Variants in CROCC observed in about 807,000 individuals in gnomAD.
CROCC encodes the protein rootletin.
In CROCC, 180 loss-of-function variants were observed where a neutral mutation model predicts 245.2. The ratio of observed to expected loss-of-function variants is 0.73; its 90% CI spans 0.65 to 0.83. CROCC has a LOEUF of 0.83. Among genes scored for constraint, CROCC ranks in the 40% least tolerant of loss-of-function variants. The pLI is 0.00. For synonymous variants in CROCC, 1,205 were observed against 1,241.6 expected (o/e 0.97, Z 0.62); for missense variants, 2,688 against 2,779.4 (o/e 0.97, Z 0.74).
At chr1:16,970,033 T>G (rs2076488867) in intron 33 of CROCC, 99 bp downstream of exon 33, 1 of 1,424,758 alleles carries the variant, frequency 7.0e-7, no homozygotes, top group South Asian at 1.4e-5. Context: ...CAAACCCTGG[T>G]GCAGCCTCCA....
chr1:16,924,572 T>G, intron 3 of CROCC, 93 bp downstream of exon 3: 1 of 1,505,202 alleles, frequency 6.6e-7, no homozygotes, highest in Non-Finnish European at 9.0e-7. Context: ...GGGCAAAAGA[T>G]GGGCCCTGGA....
At chr1:16,932,779 G>A (rs1440968455) in intron 8 of CROCC, among the ~76,000 whole-genome samples, 1 of 152,282 alleles carries the variant, frequency 6.6e-6, no homozygotes, top group African/African-American at 2.4e-5. Flanking sequence ...CAGCTCAACA[G>A]TAGTGTCAGG....
chr1:16,938,950 C>T lies in CROCC; in HGVS notation c.1416C>T (p.Gly472=), dbSNP rs145995946. The change falls in exon 12 of 37, where the codon GGC becomes GGT. Residue 472 remains glycine (G), a synonymous_variant. Coordinates refer to ENST00000375541, the MANE Select transcript of CROCC (RefSeq NM_014675.5). The stretch of plus-strand genomic sequence containing the variant: ...CTGAGAGCGGCGTCCAGCTGAGCGG[C>T]TCTGAGCGCACCGCGGATGCTTCCA... ...SDSESGVQLS[G]SERTADASNG... The T allele has an allele frequency of 2.1e-5, 34 of 1,604,934 alleles. No individual in the cohort carries two copies. Among genetic ancestry groups the T allele is most frequent in the Admixed American group, 8.7e-5 (5 of 57,148 alleles).
At chr1:16,940,349 G>A (rs1314267959) in intron 13 of CROCC, among the ~76,000 whole-genome samples, 2 of 151,866 alleles carry the variant, frequency 1.3e-5, no homozygotes, top group Non-Finnish European at 2.9e-5. Context: ...TCAGCCTCCC[G>A]AGTATCTGGG....
chr1:16,958,371 G>T (rs2076279678), intron 25 of CROCC, among the ~76,000 whole-genome samples: 1 of 152,158 alleles, frequency 6.6e-6, no homozygotes, highest in African/African-American at 2.4e-5. Flanking sequence ...GGTAGTTTTG[G>T]CCCATTGATT....
At chr1:16,949,492 T>C (rs920955889) in intron 19 of CROCC, among the ~76,000 whole-genome samples, 1 of 152,236 alleles carries the variant, frequency 6.6e-6, no homozygotes, top group Non-Finnish European at 1.5e-5. Context: ...TTTTAGATGG[T>C]AGCTATACCA....
Position 16,966,371 on chromosome 1 carries a change from G to A in CROCC, c.4697-37G>A. 6.7e-7 allele frequency: 1 copy of A among 1,495,256 alleles called. No homozygotes were observed. Among genetic ancestry groups the A allele is most frequent in the Non-Finnish European group, 8.9e-7 (1 of 1,121,982 alleles). 92.6% of individuals were successfully genotyped at this position (1,495,256 alleles called of 1,614,324 possible). A position where few individuals can be genotyped will look rare whatever the true frequency, so the allele number is the denominator to read the frequency against. On this transcript the variant is annotated intron_variant, in intron 29 of 36. Transcript: ENST00000375541. This position sits in a 1 kb window ranked among gnomAD's most constrained non-coding sequence, Gnocchi z 4.8. ...GACCTGGTTTGGGTCTCGGGGCTGT[G>A]CTTGGCCATGCCTGACGGGGTGGGT...
Position 16,954,475 on chromosome 1 carries a change from G to A in CROCC, c.3321+118G>A. 7.1e-7 allele frequency: 1 copy of A among 1,401,870 alleles called. No homozygotes were observed. Among genetic ancestry groups the A allele is most frequent in the Non-Finnish European group, 9.6e-7 (1 of 1,045,966 alleles). The allele number at this position is 1,401,870 out of a possible 1,614,324, so 86.8% of individuals were successfully genotyped here. ...GGAGAAGCTTCCAGGCTGTGGGAAA[G>A]GAGGTTTAGCCCTTCTTTTGGGAGC... On this transcript the variant is annotated intron_variant, in intron 22 of 36. Coordinates refer to ENST00000375541, the MANE Select transcript of CROCC (RefSeq NM_014675.5). The surrounding 1 kb of genome is among the most constrained non-coding windows in gnomAD (Gnocchi z 4.4).
chr1:16,965,804 C>G lies in CROCC; in HGVS notation c.4487C>G (p.Ser1496Cys). 1 of 1,613,792 alleles carries G rather than the reference C, an allele frequency of 6.2e-7. No individual in the cohort carries two copies. Among genetic ancestry groups the G allele is most frequent in the Non-Finnish European group, 8.5e-7 (1 of 1,180,032 alleles). ...SQPPSPGPAT[S>C]PASPDLDPEA... ...CCACCATCTCCAGGACCTGCCACCT[C>G]CCCAGCCTCTCCAGACCTGGACCCG... Residue 1496 changes from serine (S) to cysteine (C), a missense_variant, in exon 28 of 37, where the codon TCC becomes TGC. Physicochemically the swap from Ser to Cys is moderately radical, Grantham distance 112. This residue lies in a region of CROCC where 1,218 missense variants were observed against 1,286.3 expected (regional missense o/e 0.95). Transcript: ENST00000375541.
At chr1:16,950,864 T>G in intron 19 of CROCC, 89 bp from the exon 20 acceptor site, 1 of 1,179,824 alleles carries the variant, frequency 8.5e-7, no homozygotes, top group South Asian at 1.9e-5. Context: ...CTCTGGGATT[T>G]TGCCCATGTG....
chr1:16,916,715 GT>G (rs1329305278), intron 1 of CROCC, among the ~76,000 whole-genome samples: 3 of 152,416 alleles, frequency 2.0e-5, no homozygotes, highest in African/African-American at 7.2e-5. Context: ...GTCTCACTGT[GT>G]TGCCAGGGCT....
Position 16,936,633 on chromosome 1 carries a change from G to T in CROCC, c.957-4G>T. 1.9e-6 allele frequency: 3 copies of T among 1,584,744 alleles called. No individual in the cohort carries two copies. Among genetic ancestry groups the T allele is most frequent in the Non-Finnish European group, 2.6e-6 (3 of 1,164,832 alleles). On this transcript the variant is annotated splice_region_variant and splice_polypyrimidine_tract_variant and intron_variant, in intron 8 of 36. Coordinates refer to ENST00000375541, the MANE Select transcript of CROCC (RefSeq NM_014675.5). ...CCATCCCCAGCCTGTGCTCTCTCCCGAAGGGACCTGCTGCAGCTGGGAGGG... is the reference window on the plus strand; with the variant it reads ...CCATCCCCAGCCTGTGCTCTCTCCCTAAGGGACCTGCTGCAGCTGGGAGGG...
In CROCC at chr1:16,931,412, G is replaced by A; in HGVS notation, c.956+15G>A. 1 of 1,603,694 alleles carries A rather than the reference G, an allele frequency of 6.2e-7. No individual in the cohort carries two copies. The highest frequency in any genetic ancestry group is 8.5e-7 in the Non-Finnish European group (1 of 1,171,884). ...TTCACTGAGAGGTGAGGCCTGGCCG[G>A]GGACGGGGCAGCAGCTGAGAGCCAG... On this transcript the variant is annotated intron_variant, in intron 8 of 36. Coordinates refer to ENST00000375541, the MANE Select transcript of CROCC (RefSeq NM_014675.5).
chr1:16,927,877 AG>A (rs1465518729), intron 3 of CROCC, among the ~76,000 whole-genome samples: 2 of 152,254 alleles, frequency 1.3e-5, no homozygotes, highest in Non-Finnish European at 2.9e-5. Context: ...CTCCAGACTC[AG>A]GGGGAAGCCC....
At chr1:16,952,267 C>G (rs1475476785) in intron 20 of CROCC, among the ~76,000 whole-genome samples, 4 of 151,260 alleles carry the variant, frequency 2.6e-5, no homozygotes, top group Non-Finnish European at 4.4e-5. Context: ...GGCAGATCAC[C>G]AGGTCGGAAG....
chr1:16,922,653 T>C lies in CROCC; in HGVS notation c.61-10T>C. On this transcript the variant is annotated splice_polypyrimidine_tract_variant and intron_variant, in intron 1 of 36. Coordinates refer to ENST00000375541, the MANE Select transcript of CROCC (RefSeq NM_014675.5). ...CATGTCCCCTGAAGACCCTCTCGCT[T>C]TTCCCACAGACACTGGAGAGCAGCG... is the stretch of plus-strand genomic sequence containing the variant. The C allele has an allele frequency of 1.3e-6, 2 of 1,596,684 alleles. No individual in the cohort carries two copies. The highest frequency in any genetic ancestry group is 1.7e-6 in the Non-Finnish European group (2 of 1,171,584).
At chr1:16,969,624 C>T (rs2076479567) in intron 32 of CROCC, among the ~76,000 whole-genome samples, 161 bp from the exon 33 acceptor site, 1 of 152,204 alleles carries the variant, frequency 6.6e-6, no homozygotes, top group Non-Finnish European at 1.5e-5. Context: ...CCACCTTATG[C>T]AGGTCAGTGG....
intron 3 of CROCC, among the ~76,000 whole-genome samples, chr1:16,926,836 G>A (rs1268132085): frequency 6.6e-6 from 1 of 152,282 alleles, no homozygotes; most frequent in Admixed American, 6.5e-5. Flanking sequence ...CAGTTGCTAG[G>A]GGAGACAGTC....
rs1273736436 is a variant in CROCC at position 16,954,994 on chromosome 1, A to G, written c.3465+117A>G. ...GATTCCTCCCTGCATTTGAGGACCA[A>G]TGAATAGCAACTTAGAAAGGAGGCA... On this transcript the variant is annotated intron_variant, in intron 23 of 36. Transcript: ENST00000375541. The surrounding 1 kb of genome is among the most constrained non-coding windows in gnomAD (Gnocchi z 4.4). 1.6e-6 allele frequency: 2 copies of G among 1,265,596 alleles called. No homozygotes were observed. Among genetic ancestry groups the G allele is most frequent in the Non-Finnish European group, 2.1e-6 (2 of 942,568 alleles). 78.4% of individuals were successfully genotyped at this position (1,265,596 alleles called of 1,614,324 possible).
Sources: gnomAD v4.1 joint callset for allele counts (sites outside exome capture counted in the v4.1 genomes callset) on GRCh38, gnomAD v4.1.1 for gene constraint, gnomAD v4.1.1 regional missense constraint, Gnocchi (gnomAD v3.1) non-coding constraint, MANE v1.5 for transcripts, NCBI Gene and HGNC (gene_info 2026-07-23, HGNC 2026-07-21) for gene names.